NRXN1: variants seen among roughly 807,000 people sequenced by gnomAD.
The protein encoded by NRXN1 is neurexin-1.
NRXN1 carries 39 observed loss-of-function variants against 150.9 expected under a neutral mutation model. The ratio of observed to expected loss-of-function variants is 0.26; its 90% CI spans 0.20 to 0.34. The LOEUF (loss-of-function observed/expected upper bound fraction) is 0.34. Among genes scored for constraint, NRXN1 ranks in the 10% least tolerant of loss-of-function variants. The pLI is 1.00. For synonymous variants in NRXN1, 924 were observed against 757.0 expected (o/e 1.22, Z -3.62); for missense variants, 1,815 against 1,949.9 (o/e 0.93, Z 1.30).
intron 17 of NRXN1, among the ~76,000 whole-genome samples, chr2:50,344,799 C>T (rs2077817997): frequency 6.6e-6 from 1 of 152,092 alleles, no homozygotes; most frequent in Non-Finnish European, 1.5e-5. Flanking sequence ...GGAGAGAGGC[C>T]GAGACACAGA....
At chr2:49,991,418 T>A (rs1425229204) in intron 21 of NRXN1, among the ~76,000 whole-genome samples, 5 of 152,102 alleles carry the variant, frequency 3.3e-5, no homozygotes, top group Non-Finnish European at 7.4e-5. Context: ...GTTAATCTCT[T>A]TCATATATAC....
intron 5 of NRXN1, among the ~76,000 whole-genome samples, chr2:50,854,973 T>A (rs574486444): frequency 6.6e-6 from 1 of 151,942 alleles, no homozygotes; most frequent in South Asian, 2.1e-4. Flanking sequence ...CTCCAGATAT[T>A]TGAATTATGT....
intron 18 of NRXN1, among the ~76,000 whole-genome samples, chr2:50,141,806 T>C: frequency 6.6e-6 from 1 of 152,026 alleles, no homozygotes; most frequent in East Asian, 1.9e-4. Context: ...ACAAAACAGA[T>C]GCTGGTGAGG....
chr2:50,073,816 T>C (rs1186939987), intron 19 of NRXN1, among the ~76,000 whole-genome samples: 3 of 152,216 alleles, frequency 2.0e-5, no homozygotes, highest in East Asian at 3.8e-4. Context: ...ACAGATGTCA[T>C]ATAAGCTCTT....
At chr2:50,703,249 A>C (rs1694002800) in intron 5 of NRXN1, among the ~76,000 whole-genome samples, 1 of 152,092 alleles carries the variant, frequency 6.6e-6, no homozygotes, top group Admixed American at 6.6e-5. Context: ...AGTGAGACAG[A>C]ATGAGGGAAA....
Position 50,222,514 on chromosome 2 carries a change from C to T in NRXN1, c.3546+14275G>A, listed in dbSNP as rs116231082. ...CAACTCAGCAATATATACATTGGTT[C>T]GGCTTGTATGAATTTGTACATAAAA... On this transcript the variant is annotated intron_variant, in intron 18 of 22. Transcript: ENST00000401669. 5.4e-3 allele frequency among the ~76,000 whole-genome samples: 820 copies of T among 151,914 alleles called. 10 individuals are homozygous for T. The highest frequency in any genetic ancestry group is 0.027 in the Middle Eastern group (8 of 292).
chr2:50,899,535 A>G (rs1016003944), intron 5 of NRXN1, among the ~76,000 whole-genome samples: 3 of 152,186 alleles, frequency 2.0e-5, no homozygotes, highest in Non-Finnish European at 4.4e-5. Flanking sequence ...GTATAAGGGT[A>G]ACCCTGTGAA....
At chr2:50,127,866 GAGA>G (rs1704844537) in intron 18 of NRXN1, among the ~76,000 whole-genome samples, 2 of 152,174 alleles carry the variant, frequency 1.3e-5, no homozygotes, top group Non-Finnish European at 2.9e-5. Context: ...AGTCAGGGAA[GAGA>G]AGAACAGTTT....
intron 21 of NRXN1, among the ~76,000 whole-genome samples, chr2:49,985,546 C>T (rs1680761106): frequency 6.6e-6 from 1 of 152,186 alleles, no homozygotes; most frequent in Non-Finnish European, 1.5e-5. Context: ...TGTGCATAAA[C>T]TCTAGTCAGA....
intron 5 of NRXN1, among the ~76,000 whole-genome samples, chr2:50,857,816 A>AT (rs1250541510): frequency 3.9e-5 from 5 of 129,292 alleles, no homozygotes; most frequent in African/African-American, 7.7e-5. Context: ...ATCAAAATAG[A>AT]TTAAAAAAAA....
At chr2:50,180,297 T>C (rs1228795926) in intron 18 of NRXN1, among the ~76,000 whole-genome samples, 1 of 152,118 alleles carries the variant, frequency 6.6e-6, no homozygotes, top group Admixed American at 6.6e-5. Flanking sequence ...AGTTCTGGGA[T>C]TACAGGGGTG....
chr2:50,674,033 C>T (rs1219408918), intron 5 of NRXN1, among the ~76,000 whole-genome samples: 2 of 152,000 alleles, frequency 1.3e-5, no homozygotes, highest in African/African-American at 2.4e-5. Context: ...ACCACCATGG[C>T]ACGTGTATAC....
chr2:50,219,982 A>C (rs1260497469), intron 18 of NRXN1, among the ~76,000 whole-genome samples: 1 of 48,918 alleles, frequency 2.0e-5, no homozygotes, highest in Non-Finnish European at 3.3e-5. Context: ...TATAATATAT[A>C]TATTATATAT....
chr2:50,273,108 G>A (rs983226593), intron 17 of NRXN1, among the ~76,000 whole-genome samples: 1 of 152,098 alleles, frequency 6.6e-6, no homozygotes, highest in Non-Finnish European at 1.5e-5. Flanking sequence ...AAACGACATT[G>A]AGGTACCATT....
intron 2 of NRXN1, among the ~76,000 whole-genome samples, chr2:50,982,002 C>G (rs897041708): frequency 6.6e-6 from 1 of 152,024 alleles, no homozygotes; most frequent in African/African-American, 2.4e-5. Context: ...TTCATTAAGA[C>G]TCTTTTTATC....
chr2:50,143,564 C>T (rs1333582617), intron 18 of NRXN1, among the ~76,000 whole-genome samples: 1 of 151,924 alleles, frequency 6.6e-6, no homozygotes, highest in Non-Finnish European at 1.5e-5. Flanking sequence ...GAGAGAGCAG[C>T]AAATGTGCAA....
At chr2:49,993,650 G>A (rs1268882957) in intron 21 of NRXN1, among the ~76,000 whole-genome samples, 2 of 152,114 alleles carry the variant, frequency 1.3e-5, no homozygotes, top group Non-Finnish European at 2.9e-5. Flanking sequence ...TGGGGGCAGG[G>A]AGCATAAAGA....
intron 21 of NRXN1, among the ~76,000 whole-genome samples, chr2:49,962,578 G>T (rs1049060550): frequency 3.3e-5 from 5 of 152,126 alleles, no homozygotes; most frequent in African/African-American, 1.2e-4. Flanking sequence ...AATATAAGTA[G>T]GTTAGAGTAG....
chr2:50,084,214 T>G (rs1219783789), intron 19 of NRXN1, among the ~76,000 whole-genome samples: 2 of 152,216 alleles, frequency 1.3e-5, no homozygotes, highest in African/African-American at 4.8e-5. Context: ...TGGAGCTGCC[T>G]GCCAGTCCGG....
Sources: gnomAD v4.1 joint callset for allele counts (sites outside exome capture counted in the v4.1 genomes callset) on GRCh38, gnomAD v4.1.1 for gene constraint, MANE v1.5 for transcripts, NCBI Gene and HGNC (gene_info 2026-07-23, HGNC 2026-07-21) for gene names.